Variants in BLNK observed in about 807,000 individuals in gnomAD.
BLNK encodes B-cell linker protein.
Under a neutral mutation model 73.5 loss-of-function variants are expected in BLNK, and 29 were observed. That is an observed-to-expected ratio of 0.39 (90% CI 0.29 to 0.54). The LOEUF is 0.54. BLNK is among the 20% of genes least tolerant of loss of function. The pLI, the probability that BLNK is intolerant of heterozygous loss-of-function variation, is 0.61. For synonymous variants in BLNK, 176 were observed against 200.8 expected (o/e 0.88, Z 1.04); for missense variants, 460 against 562.8 (o/e 0.82, Z 1.85).
At chr10:96,266,554 A>G (rs6584062) in intron 1 of BLNK, among the ~76,000 whole-genome samples, 145,861 of 152,306 alleles carry the variant, frequency 0.96, 69,859 homozygotes, top group Middle Eastern at 1. Context: ...CTCCCATGTG[A>G]CTTGCCCACA....
chr10:96,201,744 A>ATTCATTCT (rs1202447302), intron 13 of BLNK, among the ~76,000 whole-genome samples: 10 of 151,134 alleles, frequency 6.6e-5, no homozygotes, highest in Non-Finnish European at 1.3e-4. Flanking sequence ...ATCTGCATTC[A>ATTCATTCT]TTCATTCATT....
intron 3 of BLNK, among the ~76,000 whole-genome samples, chr10:96,240,861 G>A (rs12242243): frequency 0.014 from 2,113 of 152,318 alleles, 48 homozygotes; most frequent in African/African-American, 0.047. Flanking sequence ...TCTTTAACAG[G>A]TTGAGTCTGC....
intron 3 of BLNK, among the ~76,000 whole-genome samples, chr10:96,235,463 C>T (rs903892447): frequency 6.6e-6 from 1 of 152,112 alleles, no homozygotes; most frequent in East Asian, 1.9e-4. Context: ...GCCAGGATTC[C>T]AACCCAGGCC....
chr10:96,251,980 G>A (rs1181758371), intron 1 of BLNK, among the ~76,000 whole-genome samples: 3 of 152,114 alleles, frequency 2.0e-5, no homozygotes, highest in Non-Finnish European at 2.9e-5. Context: ...AACTGGCTGG[G>A]CCTCACCCCT....
At chr10:96,244,519 C>T (rs1189028028) in intron 2 of BLNK, among the ~76,000 whole-genome samples, 1 of 152,210 alleles carries the variant, frequency 6.6e-6, no homozygotes, top group Non-Finnish European at 1.5e-5. Flanking sequence ...CTTATTTTCT[C>T]ATGCGGCCAT....
chr10:96,242,523 G>A (rs1251351760), intron 3 of BLNK, among the ~76,000 whole-genome samples: 1 of 152,196 alleles, frequency 6.6e-6, no homozygotes, highest in Non-Finnish European at 1.5e-5. Flanking sequence ...TGTTTAATAA[G>A]TGACCAATAA....
chr10:96,216,886 T>A, intron 6 of BLNK, 152 bp from the exon 7 acceptor site: 3 of 732,488 alleles, frequency 4.1e-6, no homozygotes, highest in Non-Finnish European at 7.2e-6. Context: ...TGACTTTTAG[T>A]ATATTCACAG....
chr10:96,221,399 ACTT>A (rs2084193913), intron 6 of BLNK, among the ~76,000 whole-genome samples: 1 of 151,960 alleles, frequency 6.6e-6, no homozygotes, highest in African/African-American at 2.4e-5. Context: ...CTTGTACTTG[ACTT>A]CTTCTTTTCC....
At chr10:96,227,782 TGGG>T (rs76805119) in intron 4 of BLNK, among the ~76,000 whole-genome samples, 1,679 of 152,274 alleles carry the variant, frequency 0.011, 10 homozygotes, top group Non-Finnish European at 0.017. Context: ...GCACTGTCCT[TGGG>T]GGACACAGGA....
chr10:96,202,637 G>C (rs1297267168), intron 13 of BLNK, among the ~76,000 whole-genome samples: 1 of 152,118 alleles, frequency 6.6e-6, no homozygotes, highest in East Asian at 1.9e-4. Flanking sequence ...GGCTTGGCAG[G>C]CCCAACAAAG....
At chr10:96,204,685 A>G (rs1449427411) in intron 11 of BLNK, 69 bp from the exon 12 acceptor site, 7 of 1,502,866 alleles carry the variant, frequency 4.7e-6, no homozygotes, top group Non-Finnish European at 5.5e-6. Context: ...ACCCAGCAAC[A>G]TCAGCTGAGA....
chr10:96,214,124 GTGTGTGTGTATGAA>G (rs1286767372), intron 8 of BLNK, among the ~76,000 whole-genome samples: 1 of 152,210 alleles, frequency 6.6e-6, no homozygotes, highest in Non-Finnish European at 1.5e-5. Flanking sequence ...AGAGAAGAGA[GTGTGTGTGTATGAA>G]TGTGTGTGTG....
At chr10:96,259,921 G>A (rs1843681881) in intron 1 of BLNK, among the ~76,000 whole-genome samples, 1 of 151,972 alleles carries the variant, frequency 6.6e-6, no homozygotes, top group Admixed American at 6.6e-5. Flanking sequence ...TGATGAGATG[G>A]CAAGGAAATG....
At chr10:96,248,401 A>G (rs1358607143) in intron 1 of BLNK, among the ~76,000 whole-genome samples, 1 of 152,258 alleles carries the variant, frequency 6.6e-6, no homozygotes, top group African/African-American at 2.4e-5. Flanking sequence ...AAAGATATTG[A>G]ACATCACTTA....
At position 96,201,033 on chromosome 10, in the gene BLNK, A is replaced by T; in HGVS notation, c.960T>A (p.Thr320=). The change falls in exon 14 of 17, where the codon ACT becomes ACA. Residue 320 remains threonine (T), a synonymous_variant. Coordinates refer to ENST00000224337, the MANE Select transcript of BLNK (RefSeq NM_013314.4). ...AAAAGCTGGGTAGGGGCCCATCCAC[A>T]GTTGGGTTTCCCCCTTCTGTAAATC... ...LPRFTEGGNP[T]VDGPLPSFSS... 1 of 1,614,152 alleles carries T rather than the reference A, an allele frequency of 6.2e-7. No homozygotes were observed. Among genetic ancestry groups the T allele is most frequent in the South Asian group, 1.1e-5 (1 of 91,084 alleles).
At chr10:96,194,831 C>A (rs987007891) in intron 16 of BLNK, among the ~76,000 whole-genome samples, 1 of 135,414 alleles carries the variant, frequency 7.4e-6, no homozygotes. Context: ...AGTGCAGTGG[C>A]GCGATCTCGA....
At chr10:96,212,571 C>T (rs587691357) in intron 8 of BLNK, among the ~76,000 whole-genome samples, 1 of 152,306 alleles carries the variant, frequency 6.6e-6, no homozygotes, top group East Asian at 1.9e-4. Flanking sequence ...ATCCATTCTA[C>T]TGGCTTCTCA....
chr10:96,253,859 C>T (rs1346521101), intron 1 of BLNK, among the ~76,000 whole-genome samples: 1 of 139,772 alleles, frequency 7.2e-6, no homozygotes, highest in Non-Finnish European at 1.6e-5. Flanking sequence ...ACTAAAAATA[C>T]AAAAAAAAAA....
intron 1 of BLNK, among the ~76,000 whole-genome samples, chr10:96,255,319 A>C (rs1459516769): frequency 6.6e-6 from 1 of 152,228 alleles, no homozygotes; most frequent in South Asian, 2.1e-4. Flanking sequence ...ATATTTGACA[A>C]AAACACTTTT....
Sources: gnomAD v4.1 joint callset for allele counts (sites outside exome capture counted in the v4.1 genomes callset) on GRCh38, gnomAD v4.1.1 for gene constraint, MANE v1.5 for transcripts, NCBI Gene and HGNC (gene_info 2026-07-23, HGNC 2026-07-21) for gene names.